The following ZNF331 variants were observed in gnomAD, a reference collection of about 807,000 sequenced individuals.
The protein encoded by ZNF331 is zinc finger protein 331, also known as C2H2-like zinc finger protein rearranged in thyroid adenomas.
Under a neutral mutation model 7.0 loss-of-function variants are expected in ZNF331, and 2 were observed. The observed-to-expected ratio is 0.29, with a 90% CI of 0.12 to 0.90. The LOEUF is 0.90. Among genes scored for constraint, ZNF331 ranks in the 40% least tolerant of loss-of-function variants. The pLI, the probability that ZNF331 is intolerant of heterozygous loss-of-function variation, is 0.58. For synonymous variants in ZNF331, 196 were observed against 205.4 expected (o/e 0.95, Z 0.39); for missense variants, 432 against 587.7 (o/e 0.74, Z 2.74).
upstream of ZNF331, among the ~76,000 whole-genome samples, chr19:53,536,519 T>C (rs73935652): frequency 6.6e-6 from 1 of 152,232 alleles, no homozygotes; most frequent in Non-Finnish European, 1.5e-5. Context: ...GTCAGTATTA[T>C]TAGGAAATGT....
rs114202777 is a variant in ZNF331 at position 53,561,061 on chromosome 19, G to A, written c.-74+5153G>A. 4.6e-3 allele frequency among the ~76,000 whole-genome samples: 693 copies of A among 152,188 alleles called. 3 individuals are homozygous for A. Among genetic ancestry groups the A allele is most frequent in the African/African-American group, 0.013 (552 of 41,524 alleles). ...TGGTCCCAGCTACTAGGGACGCTGA[G>A]GTGGGAGGATCACTTGAACCCAGGA... On this transcript the variant is annotated intron_variant, in intron 3 of 5. Transcript: ENST00000449416.
chr19:53,544,142 G>T (rs912198137), intron 2 of ZNF331, among the ~76,000 whole-genome samples: 1 of 151,132 alleles, frequency 6.6e-6, no homozygotes, highest in Non-Finnish European at 1.5e-5. Context: ...CAGGAGAATC[G>T]CTTGAACCCG....
intron 2 of ZNF331, among the ~76,000 whole-genome samples, chr19:53,532,281 A>C (rs2087572827): frequency 6.6e-6 from 1 of 151,198 alleles, no homozygotes; most frequent in Admixed American, 6.6e-5. Flanking sequence ...CCATCATTCC[A>C]CTCTTTGCTT....
At chr19:53,526,433 C>T (rs1287873488) in intron 2 of ZNF331, among the ~76,000 whole-genome samples, 2 of 152,140 alleles carry the variant, frequency 1.3e-5, no homozygotes, top group Non-Finnish European at 2.9e-5. Flanking sequence ...ATTCAACCTC[C>T]TTACCTGTTG....
At chr19:53,566,306 G>T (rs2090152719) in intron 3 of ZNF331, among the ~76,000 whole-genome samples, 1 of 152,022 alleles carries the variant, frequency 6.6e-6, no homozygotes, top group South Asian at 2.1e-4. Flanking sequence ...GTTTGGTTTG[G>T]TTTTGGGTCA....
chr19:53,514,467 C>T, the ZNF331 span, among the ~76,000 whole-genome samples: 23 of 152,130 alleles, frequency 1.5e-4, no homozygotes, highest in Admixed American at 1.4e-3. Context: ...TCCCGAAGTA[C>T]TGGGATTACA....
rs927008858 is a variant in ZNF331, at chr19:53,579,014, G to A, written c.*1062G>A. ...CAGTTTTCACCATGTTGTCCAGGCTGGTCTCAACTCCTGACCTCAGGTGAT... is the reference window on the plus strand; with the variant it reads ...CAGTTTTCACCATGTTGTCCAGGCTAGTCTCAACTCCTGACCTCAGGTGAT... On this transcript the variant is annotated 3_prime_UTR_variant, in exon 6 of 6. Coordinates refer to ENST00000449416, the MANE Select transcript of ZNF331 (RefSeq NM_001079906.2). The A allele has an allele frequency of 3.8e-5, 7 of 182,350 alleles. No homozygotes were observed. Among genetic ancestry groups the A allele is most frequent in the Admixed American group, 1.9e-4 (3 of 15,950 alleles). 11.3% of individuals were successfully genotyped at this position (182,350 alleles called of 1,614,324 possible). A position where few individuals can be genotyped will look rare whatever the true frequency, so the allele number is the denominator to read the frequency against.
chr19:53,506,411 C>CCTCT, the ZNF331 span, among the ~76,000 whole-genome samples: 94 of 74,340 alleles, frequency 1.3e-3, no homozygotes, highest in Middle Eastern at 8.2e-3. Flanking sequence ...CTCTCTCTCT[C>CCTCT]CTCTCTCTCT....
At chr19:53,523,182 AT>A (rs2087152966) in intron 2 of ZNF331, 1 of 152,036 alleles carries the variant, frequency 6.6e-6, no homozygotes, top group Non-Finnish European at 1.5e-5. Context: ...TCATGAGGAC[AT>A]TTAAACTCTA....
the ZNF331 span, among the ~76,000 whole-genome samples, chr19:53,514,406 G>A: frequency 6.6e-6 from 1 of 151,566 alleles, no homozygotes; most frequent in East Asian, 2.0e-4. Flanking sequence ...TCACCATATC[G>A]GTCAGGCTGG....
At chr19:53,511,615 C>T in the ZNF331 span, among the ~76,000 whole-genome samples, 4 of 152,178 alleles carry the variant, frequency 2.6e-5, no homozygotes, top group African/African-American at 2.4e-5. Flanking sequence ...TGTCATCAAG[C>T]GTAAAAAGAT....
At chr19:53,550,657 C>T (rs1443612200) in intron 2 of ZNF331, among the ~76,000 whole-genome samples, 2 of 150,238 alleles carry the variant, frequency 1.3e-5, no homozygotes, top group Non-Finnish European at 3.0e-5. Flanking sequence ...CTGCCTCAGC[C>T]TCCCGAGTAC....
At position 53,558,251 on chromosome 19, in the gene ZNF331, G is replaced by A. The variant is rs186202274; in HGVS notation, c.-74+2343G>A. Reference sequence around the variant, plus strand: ...AACACATATACCAGTTTATTACAAAGGATATTTTAAAGGATACTAATGAAC... The same window carrying A: ...AACACATATACCAGTTTATTACAAAAGATATTTTAAAGGATACTAATGAAC... On this transcript the variant is annotated intron_variant, in intron 3 of 5. Coordinates refer to ENST00000449416, the MANE Select transcript of ZNF331 (RefSeq NM_001079906.2). This position sits in a 1 kb window ranked among gnomAD's most constrained non-coding sequence, Gnocchi z 4.5. Among the ~76,000 whole-genome samples, 9 of 152,236 alleles carry A rather than the reference G, an allele frequency of 5.9e-5. No homozygotes were observed. The highest frequency in any genetic ancestry group is 2.1e-4 in the South Asian group (1 of 4,816).
In ZNF331 at chr19:53,573,413, G is replaced by C. The variant is rs1340241430; in HGVS notation, c.136+1683G>C. 2.0e-5 allele frequency among the ~76,000 whole-genome samples: 3 copies of C among 152,068 alleles called. No individual in the cohort carries two copies. Among genetic ancestry groups the C allele is most frequent in the African/African-American group, 4.8e-5 (2 of 41,406 alleles). On this transcript the variant is annotated intron_variant, in intron 5 of 5. Transcript: ENST00000449416. The surrounding 1 kb of genome is among the most constrained non-coding windows in gnomAD (Gnocchi z 4.2). ...GCCTGTAATTCCAGCTACTTGGGAG[G>C]CTGAGGCAGGAGAATCACTTGAACC...
At chr19:53,538,825 TCTG>T (rs2087921841) in intron 1 of ZNF331, 1 of 152,566 alleles carries the variant, frequency 6.6e-6, no homozygotes, top group Non-Finnish European at 1.5e-5. Flanking sequence ...CTCCAGCGTC[TCTG>T]CTGCTTCCCC....
intron 2 of ZNF331, among the ~76,000 whole-genome samples, chr19:53,531,573 C>A (rs1384279703): frequency 6.6e-6 from 1 of 152,182 alleles, no homozygotes; most frequent in East Asian, 1.9e-4. Flanking sequence ...TTCCCTAAGC[C>A]TGATTTTCAT....
chr19:53,533,605 T>C (rs144420607), upstream of ZNF331, among the ~76,000 whole-genome samples: 158 of 152,268 alleles, frequency 1.0e-3, 1 homozygote, highest in East Asian at 0.021. Flanking sequence ...CCTTCAATTA[T>C]TGTATTGCAG....
At chr19:53,556,112 G>A (rs192903986) in intron 3 of ZNF331, among the ~76,000 whole-genome samples, 8,249 of 151,304 alleles carry the variant, frequency 0.055, 739 homozygotes, top group African/African-American at 0.19. Flanking sequence ...GAGTGGTGGT[G>A]GGCGCCTGTA....
At position 53,545,948 on chromosome 19, in the gene ZNF331, C is replaced by T. The variant is rs1327139760; in HGVS notation, c.-138+6666C>T. Reference sequence around the variant, plus strand: ...CGTGTTCTAGAATCCAGTAAATACACGTTAGTCCCCAAGAACTCTGAAACT... The same window carrying T: ...CGTGTTCTAGAATCCAGTAAATACATGTTAGTCCCCAAGAACTCTGAAACT... On this transcript the variant is annotated intron_variant, in intron 2 of 5. Coordinates refer to ENST00000449416, the MANE Select transcript of ZNF331 (RefSeq NM_001079906.2). Among the ~76,000 whole-genome samples the T allele has an allele frequency of 3.3e-5, 5 of 151,998 alleles. No individual in the cohort carries two copies. In the East Asian group the frequency reaches 7.8e-4, roughly 24 times the overall value.
Sources: gnomAD v4.1 joint callset for allele counts (sites outside exome capture counted in the v4.1 genomes callset) on GRCh38, gnomAD v4.1.1 for gene constraint, Gnocchi (gnomAD v3.1) non-coding constraint, MANE v1.5 for transcripts, NCBI Gene and HGNC (gene_info 2026-07-23, HGNC 2026-07-21) for gene names.